Variants in ZDHHC17 observed in about 807,000 individuals in gnomAD.
ZDHHC17 encodes palmitoyltransferase ZDHHC17.
Under a neutral mutation model 90.3 loss-of-function variants are expected in ZDHHC17, and 40 were observed. That is an observed-to-expected ratio of 0.44 (90% CI 0.34 to 0.58). The LOEUF is 0.58. ZDHHC17 is among the 20% of genes least tolerant of loss of function. The pLI is 0.01. For synonymous variants in ZDHHC17, 235 were observed against 252.4 expected, an observed-to-expected ratio of 0.93 and a Z score of 0.65; for missense variants, 614 against 780.8, an observed-to-expected ratio of 0.79 and a Z score of 2.55.
chr12:76,842,171 T>A, intron 11 of ZDHHC17, 65 bp downstream of exon 11: 1 of 1,409,424 alleles, frequency 7.1e-7, no homozygotes, highest in East Asian at 2.6e-5. Flanking sequence ...ACAGCAGACA[T>A]TAGAGGACAG....
At chr12:76,786,631 C>T (rs943538646) in intron 1 of ZDHHC17, among the ~76,000 whole-genome samples, 9 of 152,306 alleles carry the variant, frequency 5.9e-5, no homozygotes, top group Non-Finnish European at 1.0e-4. Flanking sequence ...GCATGTGGTC[C>T]TTCCCCATCA....
Position 76,851,142 on chromosome 12 carries a change from A to T in ZDHHC17, c.*157A>T. 1.3e-6 allele frequency: 1 copy of T among 784,774 alleles called. No homozygotes were observed. The highest frequency in any genetic ancestry group is 1.9e-6 in the Non-Finnish European group (1 of 514,736). 48.6% of individuals were successfully genotyped at this position (784,774 alleles called of 1,614,324 possible). A position where few individuals can be genotyped will look rare whatever the true frequency, so the allele number is the denominator to read the frequency against. On this transcript the variant is annotated 3_prime_UTR_variant, in exon 17 of 17. Coordinates refer to ENST00000426126, the MANE Select transcript of ZDHHC17 (RefSeq NM_015336.4). ...AGTCTTTTTTTCAACACTTTTATTA[A>T]CAAAAGTAAACATGGACAGAACACA... is the stretch of plus-strand genomic sequence containing the variant.
At chr12:76,811,622 T>C (rs1565785901) in intron 5 of ZDHHC17, among the ~76,000 whole-genome samples, 1 of 152,052 alleles carries the variant, frequency 6.6e-6, no homozygotes, top group Non-Finnish European at 1.5e-5. Flanking sequence ...GTTTTTTTTT[T>C]CCATGAGTAA....
chr12:76,782,872 A>G (rs1267127379), intron 1 of ZDHHC17, among the ~76,000 whole-genome samples: 1 of 152,048 alleles, frequency 6.6e-6, no homozygotes, highest in East Asian at 1.9e-4. Flanking sequence ...CAGATGGAAA[A>G]TTACCAAGAG....
intron 10 of ZDHHC17, among the ~76,000 whole-genome samples, chr12:76,833,724 C>T (rs1321385508): frequency 7.9e-5 from 12 of 152,130 alleles, no homozygotes; most frequent in Admixed American, 7.2e-4. Context: ...CCTGGGGATG[C>T]GGAGCTTGCA....
chr12:76,851,827 G>T lies in ZDHHC17; in HGVS notation c.*842G>T, dbSNP rs561526319. The T allele has an allele frequency of 2.2e-3, 337 of 152,720 alleles. 3 individuals carry two copies. Among genetic ancestry groups the T allele is most frequent in the Middle Eastern group, 3.4e-3 (1 of 294 alleles). 9.5% of individuals were successfully genotyped at this position (152,720 alleles called of 1,614,324 possible). ...AACAGTTCCATTTTTAAGGGTTAAG[G>T]TGGTATTTTCAAGAAAAGGCAGAAC... On this transcript the variant is annotated 3_prime_UTR_variant, in exon 17 of 17. Transcript: ENST00000426126.
Position 76,764,188 on chromosome 12 carries a change from G to C in ZDHHC17, c.-49G>C. On this transcript the variant is annotated 5_prime_UTR_variant, in exon 1 of 17. Coordinates refer to ENST00000426126, the MANE Select transcript of ZDHHC17 (RefSeq NM_015336.4). ...CGGGGCTCGCGCTCGCCCCGCGCTC[G>C]CCCTCCGCCTCGCCCGAGCCCCGGG... 1 of 1,371,078 alleles carries C rather than the reference G, an allele frequency of 7.3e-7. No homozygotes were observed. The highest frequency in any genetic ancestry group is 9.8e-7 in the Non-Finnish European group (1 of 1,020,908). 84.9% of individuals were successfully genotyped at this position (1,371,078 alleles called of 1,614,324 possible).
At chr12:76,846,509 C>A in intron 13 of ZDHHC17, 87 bp from the exon 14 acceptor site, 1 of 909,360 alleles carries the variant, frequency 1.1e-6, no homozygotes. Flanking sequence ...AAAACTGTAG[C>A]ACACCTTTCA....
At chr12:76,774,985 C>T (rs1259137642) in intron 1 of ZDHHC17, among the ~76,000 whole-genome samples, 1 of 152,098 alleles carries the variant, frequency 6.6e-6, no homozygotes, top group Admixed American at 6.5e-5. Flanking sequence ...ACCACCATGC[C>T]TGATTAATTT....
At chr12:76,784,558 G>A (rs1452707754) in intron 1 of ZDHHC17, among the ~76,000 whole-genome samples, 1 of 152,184 alleles carries the variant, frequency 6.6e-6, no homozygotes. Flanking sequence ...TCTTATTCAT[G>A]CCCTAATTGA....
chr12:76,781,394 C>T (rs1952624626), intron 1 of ZDHHC17, among the ~76,000 whole-genome samples: 1 of 152,168 alleles, frequency 6.6e-6, no homozygotes, highest in South Asian at 2.1e-4. Context: ...TTTTGAATGT[C>T]TCCTCTAAAA....
chr12:76,785,900 C>A (rs1185532273), intron 1 of ZDHHC17, among the ~76,000 whole-genome samples: 1 of 151,998 alleles, frequency 6.6e-6, no homozygotes. Flanking sequence ...TGTATGATTG[C>A]CGAAATGTCC....
intron 13 of ZDHHC17, 92 bp from the exon 14 acceptor site, chr12:76,846,504 T>C: frequency 1.1e-6 from 1 of 870,714 alleles, no homozygotes; most frequent in South Asian, 1.7e-5. Flanking sequence ...TCATCAAAAC[T>C]GTAGCACACC....
In ZDHHC17 at chr12:76,842,083, G is replaced by C; in HGVS notation, c.1243G>C (p.Ala415Pro). The C allele has an allele frequency of 6.3e-7, 1 of 1,583,094 alleles. No homozygotes were observed. The highest frequency in any genetic ancestry group is 8.6e-7 in the Non-Finnish European group (1 of 1,167,396). ...SWKSDPGIIKATEEQKKKTIV... is the reference protein window; with the variant it reads ...SWKSDPGIIKPTEEQKKKTIV... ...GAAATCAGATCCAGGGATTATTAAA[G>C]CAACAGAAGAGCAAAAGAAAAAGGT... The change falls in exon 11 of 17, where the codon GCA (alanine) becomes CCA (proline). Residue 415 changes from alanine (A) to proline (P), a missense_variant. Ala to Pro is a conservative substitution (Grantham distance 27). Around this residue, in one of 5 missense-constraint regions of ZDHHC17, gnomAD observed 117 missense variants for 183.6 expected, o/e 0.64. Transcript: ENST00000426126.
chr12:76,777,129 A>T (rs1952568347), intron 1 of ZDHHC17, among the ~76,000 whole-genome samples: 1 of 125,858 alleles, frequency 7.9e-6, no homozygotes. Flanking sequence ...GATACAGCAC[A>T]CTTCCTTCCC....
chr12:76,797,002 T>C (rs895916987), intron 1 of ZDHHC17, among the ~76,000 whole-genome samples: 2 of 152,062 alleles, frequency 1.3e-5, no homozygotes, highest in South Asian at 2.1e-4. Flanking sequence ...TGGTGGCTTA[T>C]GCCTGTAATC....
In ZDHHC17 at chr12:76,784,173, G is replaced by C. The variant is rs186053641; in HGVS notation, c.94-13261G>C. Among the ~76,000 whole-genome samples, 8 of 152,182 alleles carry C rather than the reference G, an allele frequency of 5.3e-5. No homozygotes were observed. The East Asian group carries it at 7.7e-4, about 15-fold the overall frequency. On this transcript the variant is annotated intron_variant, in intron 1 of 16. Transcript: ENST00000426126. ...GATTTCAAAAAGTTCATGGAAAATG[G>C]GTATTATGAAAAAACTATACAGGGA...
At chr12:76,783,436 A>C (rs1952649877) in intron 1 of ZDHHC17, among the ~76,000 whole-genome samples, 1 of 152,160 alleles carries the variant, frequency 6.6e-6, no homozygotes, top group South Asian at 2.1e-4. Flanking sequence ...CGCTTATGAA[A>C]CCATCAGATC....
chr12:76,769,217 C>T (rs181976608), intron 1 of ZDHHC17: 10 of 197,432 alleles, frequency 5.1e-5, no homozygotes, highest in East Asian at 3.2e-4. Context: ...TGCCACCACA[C>T]GTGGCTAATT....
Sources: allele counts gnomAD v4.1 joint callset (sites outside exome capture counted in the v4.1 genomes callset), GRCh38; gene constraint gnomAD v4.1.1; regional missense constraint gnomAD v4.1.1; transcripts MANE v1.5; gene names NCBI Gene and HGNC (gene_info 2026-07-23, HGNC 2026-07-21).